PDE6D: variants seen among roughly 807,000 people sequenced by gnomAD.
PDE6D encodes the protein phosphodiesterase 6D.
In PDE6D, 10 loss-of-function variants were observed where a neutral mutation model predicts 21.9. That is an observed-to-expected ratio of 0.46 (90% CI 0.28 to 0.78). PDE6D has a LOEUF of 0.78. Among genes scored for constraint, PDE6D ranks in the 30% least tolerant of loss-of-function variants. The pLI is 0.12. For synonymous variants in PDE6D, 59 were observed against 63.5 expected (o/e 0.93, Z 0.34); for missense variants, 139 against 184.8 (o/e 0.75, Z 1.44).
At chr2:231,779,673 G>C (rs2049086558) in intron 1 of PDE6D, among the ~76,000 whole-genome samples, 1 of 152,210 alleles carries the variant, frequency 6.6e-6, no homozygotes, top group Admixed American at 6.5e-5. Flanking sequence ...AGCTATAAAA[G>C]AGGCTGCTAC....
chr2:231,743,428 C>CAA (rs34916848), intron 1 of PDE6D, among the ~76,000 whole-genome samples: 50 of 58,458 alleles, frequency 8.6e-4, no homozygotes, highest in South Asian at 1.7e-3. Context: ...GATTCCGTCT[C>CAA]AAAAAAAAAA....
At chr2:231,767,085 G>A (rs1186626330) in intron 1 of PDE6D, among the ~76,000 whole-genome samples, 1 of 150,112 alleles carries the variant, frequency 6.7e-6, no homozygotes, top group Non-Finnish European at 1.5e-5. Context: ...CACTCCAAGA[G>A]CCACAATTAA....
At chr2:231,734,506 T>C (rs898539940) in intron 4 of PDE6D, among the ~76,000 whole-genome samples, 1 of 151,516 alleles carries the variant, frequency 6.6e-6, no homozygotes, top group African/African-American at 2.4e-5. Context: ...CCCAGGGTAA[T>C]TAATAACCAG....
chr2:231,762,363 T>A (rs942448383), intron 1 of PDE6D, among the ~76,000 whole-genome samples: 4 of 116,202 alleles, frequency 3.4e-5, no homozygotes, highest in East Asian at 2.1e-4. Context: ...TTTTTTTTTT[T>A]AGACACAGTC....
intron 3 of PDE6D, 188 bp downstream of exon 3, chr2:231,737,825 T>G (rs2048714706): frequency 3.5e-6 from 2 of 569,348 alleles, no homozygotes; most frequent in Non-Finnish European, 6.1e-6. Context: ...TCAAAGCCCC[T>G]TGTAGTGGCT....
At chr2:231,765,015 CT>C (rs2048958873) in intron 1 of PDE6D, among the ~76,000 whole-genome samples, 2 of 151,914 alleles carry the variant, frequency 1.3e-5, no homozygotes, top group African/African-American at 4.8e-5. Flanking sequence ...AATACCAACA[CT>C]TTGGGAGGCC....
rs73086870 is a variant in PDE6D, at chr2:231,747,420, C to T, written c.51-8232G>A. ...ATACTTTAAAGAATGAAAGAGTGTG[C>T]TAACTGAAGAGCACATTTAAATGAG... On this transcript the variant is annotated intron_variant, in intron 1 of 4. Coordinates refer to ENST00000287600, the MANE Select transcript of PDE6D (RefSeq NM_002601.4). 8.0e-3 allele frequency among the ~76,000 whole-genome samples: 1,223 copies of T among 152,266 alleles called. 10 individuals are homozygous for T. Among genetic ancestry groups the T allele is most frequent in the African/African-American group, 0.028 (1,150 of 41,554 alleles).
chr2:231,742,940 C>A (rs930490412), intron 1 of PDE6D, among the ~76,000 whole-genome samples: 3 of 152,202 alleles, frequency 2.0e-5, no homozygotes, highest in Non-Finnish European at 4.4e-5. Flanking sequence ...CCCTTTCCTA[C>A]TGTGTGGTCT....
At chr2:231,778,335 C>T (rs2049073269) in intron 1 of PDE6D, among the ~76,000 whole-genome samples, 1 of 152,072 alleles carries the variant, frequency 6.6e-6, no homozygotes, top group Non-Finnish European at 1.5e-5. Context: ...GGAGACAATA[C>T]ATTGAAAGAA....
intron 1 of PDE6D, among the ~76,000 whole-genome samples, chr2:231,772,486 C>CA (rs2049023233): frequency 6.6e-6 from 1 of 152,198 alleles, no homozygotes; most frequent in Admixed American, 6.5e-5. Context: ...AGAACTTTGA[C>CA]AATTTGAGTT....
intron 1 of PDE6D, chr2:231,779,031 A>T (rs1000084577): frequency 6.6e-6 from 1 of 152,220 alleles, no homozygotes; most frequent in Non-Finnish European, 1.5e-5. Context: ...CTAAAACATT[A>T]ATTTTACTTT....
At chr2:231,736,281 G>A (rs995507757) in intron 4 of PDE6D, among the ~76,000 whole-genome samples, 2 of 151,984 alleles carry the variant, frequency 1.3e-5, no homozygotes, top group Non-Finnish European at 2.9e-5. Flanking sequence ...ACTGTTGAAA[G>A]AGATGATCCA....
At chr2:231,770,953 C>CAAA (rs748582712) in intron 1 of PDE6D, among the ~76,000 whole-genome samples, 1 of 129,746 alleles carries the variant, frequency 7.7e-6, no homozygotes, top group African/African-American at 2.8e-5. Context: ...GACTTCATTT[C>CAAA]AAAAAAAAAA....
At chr2:231,757,860 T>C (rs1289082710) in intron 1 of PDE6D, among the ~76,000 whole-genome samples, 1 of 152,090 alleles carries the variant, frequency 6.6e-6, no homozygotes, top group African/African-American at 2.4e-5. Context: ...GAATGGCTGT[T>C]ACAGAAAGTT....
intron 1 of PDE6D, among the ~76,000 whole-genome samples, chr2:231,746,564 G>A (rs2048795571): frequency 6.6e-6 from 1 of 152,200 alleles, no homozygotes; most frequent in African/African-American, 2.4e-5. Context: ...ATTTTGGAAT[G>A]AGTACACTGG....
Position 231,733,125 on chromosome 2 carries a change from T to G in PDE6D, c.372-92A>C, listed in dbSNP as rs1286778757. 27 of 856,174 alleles carry G rather than the reference T, an allele frequency of 3.2e-5. No individual in the cohort carries two copies. In the South Asian group the frequency reaches 3.8e-4, roughly 12 times the overall value. 53.0% of individuals were successfully genotyped at this position (856,174 alleles called of 1,614,324 possible). A position where few individuals can be genotyped will look rare whatever the true frequency, so the allele number is the denominator to read the frequency against. ...ACAAAGTGGTTTCCATCTGGATTCC[T>G]GGGCCAATGGACATGCACCCACCCA... On this transcript the variant is annotated intron_variant, in intron 4 of 4. Coordinates refer to ENST00000287600, the MANE Select transcript of PDE6D (RefSeq NM_002601.4).
chr2:231,777,901 T>C lies in PDE6D; in HGVS notation c.50+3164A>G, dbSNP rs1331423302. The stretch of plus-strand genomic sequence containing the variant: ...ATTGAAAAGAGAAGAAAAGATAGGA[T>C]ATTTAGTTAATCTTGGGATAAGAAA... On this transcript the variant is annotated intron_variant, in intron 1 of 4. Transcript: ENST00000287600. Among the ~76,000 whole-genome samples, 6 of 152,244 alleles carry C rather than the reference T, an allele frequency of 3.9e-5. No homozygotes were observed. In the East Asian group the frequency reaches 1.2e-3, roughly 29 times the overall value.
intron 1 of PDE6D, among the ~76,000 whole-genome samples, chr2:231,756,745 C>T: frequency 6.6e-6 from 1 of 150,438 alleles, no homozygotes; most frequent in East Asian, 2.0e-4. Flanking sequence ...TGGCCCTAAA[C>T]CAAAGATTCA....
chr2:231,775,984 A>C (rs746849306), intron 1 of PDE6D, among the ~76,000 whole-genome samples: 3 of 152,202 alleles, frequency 2.0e-5, no homozygotes, highest in Non-Finnish European at 4.4e-5. Context: ...TGTTGATGAA[A>C]AAGCTATTCA....
Sources: gnomAD v4.1 joint callset for allele counts (sites outside exome capture counted in the v4.1 genomes callset) on GRCh38, gnomAD v4.1.1 for gene constraint, MANE v1.5 for transcripts, NCBI Gene and HGNC (gene_info 2026-07-23, HGNC 2026-07-21) for gene names.